The following CSMD1 variants were observed in gnomAD, a reference collection of about 807,000 sequenced individuals.
CSMD1 encodes the protein CUB and sushi domain-containing protein 1.
A neutral mutation model predicts 417.5 loss-of-function variants in CSMD1; 213 were observed. The observed-to-expected ratio is 0.51, with a 90% CI of 0.46 to 0.57. CSMD1 has a LOEUF of 0.57. CSMD1 is among the 20% of genes least tolerant of loss of function. The probability of loss-of-function intolerance (pLI) is 0.00; values close to 1 mark genes in which losing one functional copy is unlikely to be tolerated. For missense variants in CSMD1, 6,923 were observed against 4,529.7 expected, an observed-to-expected ratio of 1.53 and a Z score of -15.17; for synonymous variants, 2,862 against 1,736.8, an observed-to-expected ratio of 1.65 and a Z score of -16.11.
In CSMD1 at chr8:3,734,038, G is replaced by A. The variant is rs187425200; in HGVS notation, c.931+19892C>T. Among the ~76,000 whole-genome samples the A allele has an allele frequency of 2.1e-5, 3 of 145,444 alleles. No individual in the cohort carries two copies. The Admixed American group carries it at 2.1e-4, about 10-fold the overall frequency. On this transcript the variant is annotated intron_variant, in intron 6 of 69. Transcript: ENST00000635120. ...TGTATATGGCAGTGAATAAACTCAG[G>A]AAGAAATGCAAGCTGTTTAAAAATA... is the stretch of plus-strand genomic sequence containing the variant.
At chr8:3,655,501 C>T (rs1460550745) in intron 7 of CSMD1, among the ~76,000 whole-genome samples, 1 of 152,062 alleles carries the variant, frequency 6.6e-6, no homozygotes, top group Non-Finnish European at 1.5e-5. Flanking sequence ...TTGGCATAAA[C>T]ACAGCCAGCT....
chr8:3,628,645 G>A lies in CSMD1; in HGVS notation c.1010-11848C>T, dbSNP rs115856703. On this transcript the variant is annotated intron_variant, in intron 7 of 69. Transcript: ENST00000635120. ...CAGAGGGAGGCAGCTCCCGCAGAGGGGAGGGCATGGGCATCCTCACAGGCG... is the reference window on the plus strand; with the variant it reads ...CAGAGGGAGGCAGCTCCCGCAGAGGAGAGGGCATGGGCATCCTCACAGGCG... Among the ~76,000 whole-genome samples, 1,289 of 152,202 alleles carry A rather than the reference G, an allele frequency of 8.5e-3. 28 individuals carry two copies. Among genetic ancestry groups the A allele is most frequent in the African/African-American group, 0.03 (1,239 of 41,530 alleles).
At chr8:4,430,804 C>T (rs559005534) in intron 2 of CSMD1, among the ~76,000 whole-genome samples, 2 of 152,108 alleles carry the variant, frequency 1.3e-5, no homozygotes, top group African/African-American at 2.4e-5. Context: ...ACAGTAACAG[C>T]GTTTTTCCTG....
At chr8:3,848,532 A>G (rs1025428121) in intron 5 of CSMD1, among the ~76,000 whole-genome samples, 1 of 152,186 alleles carries the variant, frequency 6.6e-6, no homozygotes, top group African/African-American at 2.4e-5. Flanking sequence ...GAAGTTACTT[A>G]ATTTACTCAA....
intron 18 of CSMD1, among the ~76,000 whole-genome samples, chr8:3,376,793 ATT>A (rs905507014): frequency 7.6e-4 from 30 of 39,558 alleles, no homozygotes; most frequent in African/African-American, 2.6e-3. Flanking sequence ...TATTATAATT[ATT>A]TTTTTTTCTT....
At chr8:4,698,118 T>G (rs1807258375) in intron 1 of CSMD1, among the ~76,000 whole-genome samples, 1 of 146,142 alleles carries the variant, frequency 6.8e-6, no homozygotes, top group Admixed American at 7.1e-5. Flanking sequence ...TGTGAACACT[T>G]TTGCTTTGAA....
At position 3,230,117 on chromosome 8, in the gene CSMD1, A is replaced by C; in HGVS notation, c.4268T>G (p.Leu1423Arg). 1 of 1,613,664 alleles carries C rather than the reference A, an allele frequency of 6.2e-7. No homozygotes were observed. Among genetic ancestry groups the C allele is most frequent in the Non-Finnish European group, 8.5e-7 (1 of 1,179,744 alleles). Reference sequence around the variant, plus strand: ...ACAGGTGATTTTGGCTTGTCCTTGGAGCTGATAGCCAGGGTCACACTGGAA... The same window carrying C: ...ACAGGTGATTTTGGCTTGTCCTTGGCGCTGATAGCCAGGGTCACACTGGAA... The part of the protein sequence containing the change: ...VTFQCDPGYQ[L>R]QGQAKITCVQ... Residue 1423 changes from leucine (L) to arginine (R), a missense_variant, in exon 27 of 70, where the codon CTC becomes CGC. Coordinates refer to ENST00000635120, the MANE Select transcript of CSMD1 (RefSeq NM_033225.6).
intron 50 of CSMD1, chr8:3,043,844 T>A (rs1811266206): frequency 6.6e-6 from 1 of 152,426 alleles, no homozygotes; most frequent in Non-Finnish European, 1.5e-5. Flanking sequence ...ACCAAAAAAA[T>A]GCAATTTGTT....
intron 50 of CSMD1, among the ~76,000 whole-genome samples, chr8:3,050,720 G>T (rs1191267924): frequency 2.0e-5 from 3 of 152,050 alleles, no homozygotes; most frequent in Non-Finnish European, 1.5e-5. Context: ...TAAAAATGAT[G>T]AAATAAAGAA....
chr8:4,576,000 G>A (rs754139524), intron 2 of CSMD1, among the ~76,000 whole-genome samples: 4 of 152,298 alleles, frequency 2.6e-5, no homozygotes, highest in South Asian at 2.1e-4. Flanking sequence ...CCAAGCTGCC[G>A]TGATCTCTTG....
At chr8:3,781,319 T>A (rs1012834354) in intron 5 of CSMD1, among the ~76,000 whole-genome samples, 1 of 152,132 alleles carries the variant, frequency 6.6e-6, no homozygotes, top group Non-Finnish European at 1.5e-5. Flanking sequence ...CATGTCTTTG[T>A]TCTTTTCATT....
At chr8:4,346,085 G>C (rs1404791867) in intron 3 of CSMD1, among the ~76,000 whole-genome samples, 2 of 152,108 alleles carry the variant, frequency 1.3e-5, no homozygotes, top group Non-Finnish European at 2.9e-5. Flanking sequence ...GAATACGAAA[G>C]TACTACAACT....
chr8:4,717,425 T>C (rs191044276), intron 1 of CSMD1, among the ~76,000 whole-genome samples: 42 of 151,032 alleles, frequency 2.8e-4, no homozygotes, highest in African/African-American at 9.8e-4. Flanking sequence ...ACACTATATA[T>C]ATACACATAC....
At chr8:4,098,380 T>A (rs1026015623) in intron 3 of CSMD1, among the ~76,000 whole-genome samples, 3 of 150,072 alleles carry the variant, frequency 2.0e-5, no homozygotes, top group Non-Finnish European at 3.0e-5. Context: ...TTCTACAAAA[T>A]TTAATTTTCC....
chr8:3,722,470 C>G (rs1585133494), intron 6 of CSMD1, among the ~76,000 whole-genome samples: 1 of 152,290 alleles, frequency 6.6e-6, no homozygotes, highest in East Asian at 1.9e-4. Context: ...CAACCTCAGA[C>G]AGATCTGAAA....
intron 2 of CSMD1, among the ~76,000 whole-genome samples, chr8:4,508,143 G>T (rs1210223814): frequency 7.9e-6 from 1 of 127,088 alleles, no homozygotes; most frequent in African/African-American, 3.0e-5. Flanking sequence ...GATGTAGGAG[G>T]CAGGGGAAGA....
chr8:3,635,771 C>G (rs1280314737), intron 7 of CSMD1, among the ~76,000 whole-genome samples: 3 of 137,762 alleles, frequency 2.2e-5, no homozygotes, highest in South Asian at 2.2e-4. Context: ...GTATGAACCT[C>G]TGCGCCCAGC....
chr8:4,787,354 A>G, intron 1 of CSMD1: 2 of 732,798 alleles, frequency 2.7e-6, no homozygotes, highest in Non-Finnish European at 5.0e-6. Context: ...GAGGTACTGA[A>G]CACTGGTAAA....
At chr8:4,315,706 T>G (rs924117896) in intron 3 of CSMD1, among the ~76,000 whole-genome samples, 18 of 152,210 alleles carry the variant, frequency 1.2e-4, no homozygotes, top group African/African-American at 4.3e-4. Flanking sequence ...GAAGTCATAT[T>G]TGTAGGTATA....
Sources: allele counts gnomAD v4.1 joint callset (sites outside exome capture counted in the v4.1 genomes callset), GRCh38; gene constraint gnomAD v4.1.1; transcripts MANE v1.5; gene names NCBI Gene and HGNC (gene_info 2026-07-23, HGNC 2026-07-21).